The following ITGA8 variants were observed in gnomAD, a reference collection of about 807,000 sequenced individuals.
The protein encoded by ITGA8 is integrin alpha-8.
ITGA8 carries 91 observed loss-of-function variants against 142.3 expected under a neutral mutation model. That is an observed-to-expected ratio of 0.64 (90% CI 0.54 to 0.76). The LOEUF (loss-of-function observed/expected upper bound fraction) is 0.76, where lower values mean the gene tolerates loss of function less well. ITGA8 is among the 30% of genes least tolerant of loss of function. The pLI, the probability that ITGA8 is intolerant of heterozygous loss-of-function variation, is 0.00. For missense variants in ITGA8, 1,406 were observed against 1,327.7 expected (o/e 1.06, Z -0.92); for synonymous variants, 505 against 485.2 (o/e 1.04, Z -0.54).
At chr10:15,614,975 T>A (rs186124245) in intron 14 of ITGA8, among the ~76,000 whole-genome samples, 1 of 152,096 alleles carries the variant, frequency 6.6e-6, no homozygotes, top group African/African-American at 2.4e-5. Context: ...CCTGGAAGGA[T>A]CAAGGGAAGG....
At chr10:15,573,754 G>A (rs1834231414) in intron 24 of ITGA8, among the ~76,000 whole-genome samples, 1 of 151,988 alleles carries the variant, frequency 6.6e-6, no homozygotes, top group Non-Finnish European at 1.5e-5. Flanking sequence ...GGAACAGAAG[G>A]CATTAATCGA....
chr10:15,693,049 A>G (rs1564411620), intron 2 of ITGA8, among the ~76,000 whole-genome samples: 1 of 152,220 alleles, frequency 6.6e-6, no homozygotes, highest in Non-Finnish European at 1.5e-5. Context: ...CCTGGGCAAC[A>G]AAGTAAGACT....
chr10:15,585,151 A>G (rs1328659686), intron 23 of ITGA8, among the ~76,000 whole-genome samples: 2 of 152,218 alleles, frequency 1.3e-5, no homozygotes, highest in South Asian at 4.1e-4. Flanking sequence ...ATTGGTTTGA[A>G]TGGAAAAAAA....
chr10:15,553,318 T>C (rs1588640347), intron 26 of ITGA8, among the ~76,000 whole-genome samples: 1 of 142,716 alleles, frequency 7.0e-6, no homozygotes, highest in African/African-American at 2.7e-5. Context: ...TTTTTTTTTT[T>C]TTGTCTTCAA....
chr10:15,650,238 A>G (rs1353322821), intron 11 of ITGA8, among the ~76,000 whole-genome samples: 1 of 152,206 alleles, frequency 6.6e-6, no homozygotes, highest in East Asian at 1.9e-4. Flanking sequence ...ACAACTCTGA[A>G]GGCAGCAAAA....
intron 8 of ITGA8, among the ~76,000 whole-genome samples, chr10:15,661,365 A>G (rs1376345911): frequency 6.6e-6 from 1 of 152,130 alleles, no homozygotes; most frequent in East Asian, 1.9e-4. Flanking sequence ...TCACCCCCAC[A>G]TCTGTGAAAC....
intron 23 of ITGA8, among the ~76,000 whole-genome samples, chr10:15,581,152 T>A (rs1588656901): frequency 6.6e-6 from 1 of 152,166 alleles, no homozygotes. Flanking sequence ...AGACCAACAA[T>A]GTGATATAGA....
At chr10:15,646,795 T>C (rs754321803) in intron 12 of ITGA8, 51 bp downstream of exon 12, 2 of 1,387,138 alleles carry the variant, frequency 1.4e-6, no homozygotes, top group South Asian at 1.2e-5. Flanking sequence ...TGGTCTCCTT[T>C]ATGCAGTGGT....
At chr10:15,693,018 G>A (rs957290968) in intron 2 of ITGA8, among the ~76,000 whole-genome samples, 1 of 152,186 alleles carries the variant, frequency 6.6e-6, no homozygotes, top group African/African-American at 2.4e-5. Context: ...AGTGAGCTGA[G>A]ATTGTGCCAC....
chr10:15,650,829 A>C (rs954787031), intron 11 of ITGA8, among the ~76,000 whole-genome samples: 3 of 152,168 alleles, frequency 2.0e-5, no homozygotes, highest in African/African-American at 7.2e-5. Flanking sequence ...GTAAATATCA[A>C]ATCAACCTAA....
chr10:15,694,260 ACATCAGATAATATATC>A (rs1834995030), intron 2 of ITGA8, among the ~76,000 whole-genome samples: 2 of 98,538 alleles, frequency 2.0e-5, no homozygotes, highest in African/African-American at 3.5e-5. Context: ...GATAACATAT[ACATCAGATAATATATC>A]ATACATCAGA....
At chr10:15,591,944 G>A (rs1832930209) in intron 22 of ITGA8, among the ~76,000 whole-genome samples, 1 of 152,188 alleles carries the variant, frequency 6.6e-6, no homozygotes, top group African/African-American at 2.4e-5. Flanking sequence ...ATGTGCTTTG[G>A]AATGAGGAAA....
intron 2 of ITGA8, among the ~76,000 whole-genome samples, chr10:15,702,764 T>G (rs1161054496): frequency 6.6e-6 from 1 of 152,360 alleles, no homozygotes; most frequent in East Asian, 1.9e-4. Flanking sequence ...AAATCACTCC[T>G]TAAAAGCCCA....
At chr10:15,591,110 C>G (rs974249384) in intron 22 of ITGA8, among the ~76,000 whole-genome samples, 1 of 152,114 alleles carries the variant, frequency 6.6e-6, no homozygotes, top group African/African-American at 2.4e-5. Context: ...AGTTATCACA[C>G]TCTAATGGTA....
At chr10:15,691,965 C>A (rs1333677348) in intron 2 of ITGA8, among the ~76,000 whole-genome samples, 1 of 152,158 alleles carries the variant, frequency 6.6e-6, no homozygotes, top group East Asian at 1.9e-4. Context: ...GAGACAGGGT[C>A]TCACTCTGTT....
Position 15,532,863 on chromosome 10 carries a change from T to G in ITGA8, c.2881-1712A>C, listed in dbSNP as rs116469076. The stretch of plus-strand genomic sequence containing the variant: ...AAGGTAATAAATACTCAAAACCTCA[T>G]GCTTGCTATTTTATTACATTTGACT... On this transcript the variant is annotated intron_variant, in intron 27 of 29. Transcript: ENST00000378076. 1.0e-3 allele frequency among the ~76,000 whole-genome samples: 159 copies of G among 152,336 alleles called. 1 individual carries two copies. The highest frequency in any genetic ancestry group is 3.6e-3 in the African/African-American group (150 of 41,572).
Position 15,517,021 on chromosome 10 carries a change from GTGAT to G in ITGA8, c.*133_*136del. The G allele has an allele frequency of 1.8e-6, 1 of 571,240 alleles. No homozygotes were observed. 35.4% of individuals were successfully genotyped at this position (571,240 alleles called of 1,614,324 possible). On this transcript the variant is annotated 3_prime_UTR_variant, in exon 30 of 30. Transcript: ENST00000378076. ...TTCTCCAAAGTGCGGTGTAGATGAG[GTGAT>G]GTTTCCAGGGTCCCCTCCATTTCCT...
intron 27 of ITGA8, 42 bp from the exon 28 acceptor site, chr10:15,531,193 T>A (rs929649629): frequency 9.2e-7 from 1 of 1,082,530 alleles, no homozygotes; most frequent in Non-Finnish European, 1.3e-6. Flanking sequence ...TCATATAAAG[T>A]TTTTAAGAGT....
rs549011200 is a variant in ITGA8 at position 15,594,508 on chromosome 10, G to A, written c.2212-2204C>T. ...TAAAAATTGCCAAAACAGGCTGGGCGTGAGGGTGGCTCACACCTTTAATTC... is the reference window on the plus strand; with the variant it reads ...TAAAAATTGCCAAAACAGGCTGGGCATGAGGGTGGCTCACACCTTTAATTC... On this transcript the variant is annotated intron_variant, in intron 21 of 29. Transcript: ENST00000378076. Among the ~76,000 whole-genome samples, 11 of 152,274 alleles carry A rather than the reference G, an allele frequency of 7.2e-5. No homozygotes were observed. The South Asian group carries it at 8.3e-4, about 11-fold the overall frequency.
Sources: gnomAD v4.1 joint callset for allele counts (sites outside exome capture counted in the v4.1 genomes callset) on GRCh38, gnomAD v4.1.1 for gene constraint, MANE v1.5 for transcripts, NCBI Gene and HGNC (gene_info 2026-07-23, HGNC 2026-07-21) for gene names.